The following CNTN4 variants were observed in gnomAD, a reference collection of about 807,000 sequenced individuals.
The protein encoded by CNTN4 is contactin-4.
In CNTN4, 77 loss-of-function variants were observed where a neutral mutation model predicts 122.5. The ratio of observed to expected loss-of-function variants is 0.63; its 90% confidence interval spans 0.52 to 0.76. The LOEUF is 0.76. Among genes scored for constraint, CNTN4 ranks in the 30% least tolerant of loss-of-function variants. CNTN4 has a pLI of 0.00. For missense variants in CNTN4, 1,256 were observed against 1,259.1 expected (o/e 1.00, Z 0.04); for synonymous variants, 512 against 447.0 (o/e 1.15, Z -1.83).
chr3:2,916,992 T>C (rs2094368815), intron 12 of CNTN4, among the ~76,000 whole-genome samples: 1 of 127,672 alleles, frequency 7.8e-6, no homozygotes, highest in Non-Finnish European at 1.7e-5. Flanking sequence ...ATCACGCCAC[T>C]GCACTCCAGC....
intron 6 of CNTN4, among the ~76,000 whole-genome samples, chr3:2,785,270 T>C (rs1365374784): frequency 1.3e-5 from 2 of 152,100 alleles, no homozygotes; most frequent in African/African-American, 4.8e-5. Flanking sequence ...ATAATTCCAG[T>C]CCAAGTCTGA....
chr3:2,819,670 C>T, intron 7 of CNTN4, 89 bp downstream of exon 7: 4 of 984,896 alleles, frequency 4.1e-6, no homozygotes, highest in Middle Eastern at 2.1e-4. Flanking sequence ...GCTGAGTGCA[C>T]AGTGTCATTT....
chr3:2,800,973 C>T (rs2092333544), intron 6 of CNTN4, among the ~76,000 whole-genome samples: 2 of 152,206 alleles, frequency 1.3e-5, no homozygotes, highest in Admixed American at 6.5e-5. Context: ...GCCTTCCTTC[C>T]TACTCCCAGC....
At chr3:2,555,412 C>T (rs894459523) in intron 3 of CNTN4, among the ~76,000 whole-genome samples, 5 of 152,014 alleles carry the variant, frequency 3.3e-5, no homozygotes, top group African/African-American at 9.7e-5. Flanking sequence ...CCAAGCACAC[C>T]GATTAATGAA....
intron 3 of CNTN4, among the ~76,000 whole-genome samples, chr3:2,565,014 T>A (rs1255927850): frequency 6.6e-6 from 1 of 152,108 alleles, no homozygotes; most frequent in Non-Finnish European, 1.5e-5. Context: ...GAAAGTCTTT[T>A]AAAATGGGGA....
chr3:2,390,217 T>A (rs1053426068), intron 3 of CNTN4, among the ~76,000 whole-genome samples: 37 of 131,934 alleles, frequency 2.8e-4, no homozygotes, highest in South Asian at 4.9e-4. Context: ...GAAAAAAGAG[T>A]GTGTGTGTGT....
chr3:2,365,112 A>T (rs983244529), intron 3 of CNTN4, among the ~76,000 whole-genome samples: 1 of 151,942 alleles, frequency 6.6e-6, no homozygotes, highest in African/African-American at 2.4e-5. Flanking sequence ...TTTTTTTATG[A>T]TGACAGAAAA....
chr3:2,181,202 T>C (rs1423011457), intron 2 of CNTN4, among the ~76,000 whole-genome samples: 1 of 152,098 alleles, frequency 6.6e-6, no homozygotes, highest in Non-Finnish European at 1.5e-5. Context: ...TGCTGAAAGT[T>C]ACACTCATGA....
At chr3:2,247,205 C>G (rs1439822040) in intron 2 of CNTN4, among the ~76,000 whole-genome samples, 1 of 152,056 alleles carries the variant, frequency 6.6e-6, no homozygotes, top group Non-Finnish European at 1.5e-5. Context: ...TGCAATAATT[C>G]TTGAGCATGC....
chr3:2,692,149 A>T (rs770448790), intron 4 of CNTN4, among the ~76,000 whole-genome samples: 6 of 152,226 alleles, frequency 3.9e-5, no homozygotes, highest in Non-Finnish European at 7.3e-5. Context: ...GTTTCTTGCT[A>T]TGCAACTGGC....
At chr3:2,504,224 T>G (rs2076674095) in intron 3 of CNTN4, among the ~76,000 whole-genome samples, 1 of 152,168 alleles carries the variant, frequency 6.6e-6, no homozygotes, top group Non-Finnish European at 1.5e-5. Context: ...GTTTTCAGTT[T>G]AAGGCATTAT....
chr3:2,825,334 C>T (rs547495712), intron 7 of CNTN4, among the ~76,000 whole-genome samples: 1 of 152,224 alleles, frequency 6.6e-6, no homozygotes, highest in Non-Finnish European at 1.5e-5. Context: ...AAACATTCTC[C>T]CACCTCAGCC....
chr3:2,134,448 A>G (rs1217064672), intron 2 of CNTN4, among the ~76,000 whole-genome samples: 1 of 152,198 alleles, frequency 6.6e-6, no homozygotes, highest in African/African-American at 2.4e-5. Context: ...AGGAGGGAGC[A>G]TGGAGGAATC....
intron 2 of CNTN4, among the ~76,000 whole-genome samples, chr3:2,111,868 A>T (rs1453849333): frequency 1.3e-5 from 2 of 152,112 alleles, no homozygotes; most frequent in African/African-American, 4.8e-5. Context: ...ATTCAATATG[A>T]TGCTTGTGTT....
chr3:3,029,608 T>C (rs1699003024), intron 15 of CNTN4, among the ~76,000 whole-genome samples: 1 of 152,182 alleles, frequency 6.6e-6, no homozygotes, highest in South Asian at 2.1e-4. Context: ...CAAATACATA[T>C]TAATTTTGAA....
intron 8 of CNTN4, among the ~76,000 whole-genome samples, chr3:2,881,230 C>T (rs1044817191): frequency 1.3e-5 from 2 of 152,022 alleles, no homozygotes; most frequent in South Asian, 2.1e-4. Flanking sequence ...AGGGTCACCT[C>T]GGTGGGGTGC....
intron 3 of CNTN4, among the ~76,000 whole-genome samples, chr3:2,555,503 C>A (rs1047773254): frequency 1.5e-4 from 23 of 152,174 alleles, no homozygotes; most frequent in Non-Finnish European, 3.4e-4. Flanking sequence ...TATGTGATAA[C>A]TTCTCTAATA....
At chr3:2,738,332 A>G (rs142203073) in intron 5 of CNTN4, among the ~76,000 whole-genome samples, 547 of 152,358 alleles carry the variant, frequency 3.6e-3, no homozygotes, top group Non-Finnish European at 5.7e-3. Flanking sequence ...GAGACAGAAG[A>G]TAAAATATTC....
intron 3 of CNTN4, among the ~76,000 whole-genome samples, chr3:2,449,032 C>A (rs1559561703): frequency 6.6e-6 from 1 of 152,042 alleles, no homozygotes; most frequent in South Asian, 2.1e-4. Flanking sequence ...TAAAAAAGGT[C>A]ACAGTTTTCA....
Sources: allele counts gnomAD v4.1 joint callset (sites outside exome capture counted in the v4.1 genomes callset), GRCh38; gene constraint gnomAD v4.1.1; transcripts MANE v1.5; gene names NCBI Gene and HGNC (gene_info 2026-07-23, HGNC 2026-07-21).